The following SLC25A48 variants were observed in gnomAD, a reference collection of about 807,000 sequenced individuals.
The protein encoded by SLC25A48 is CTC-321K16.1.
In SLC25A48, 29 loss-of-function variants were observed where a neutral mutation model predicts 32.2. That is an observed-to-expected ratio of 0.90 (90% CI 0.67 to 1.23). The LOEUF is 1.23. SLC25A48 is among the 50% of genes most tolerant of loss of function. The pLI, the probability that SLC25A48 is intolerant of heterozygous loss-of-function variation, is 0.00. For missense variants in SLC25A48, 399 were observed against 422.7 expected, an observed-to-expected ratio of 0.94 and a Z score of 0.49; for synonymous variants, 164 against 172.3, an observed-to-expected ratio of 0.95 and a Z score of 0.38.
chr5:135,789,740 G>A (rs1435020454), intron 3 of SLC25A48, among the ~76,000 whole-genome samples: 1 of 151,660 alleles, frequency 6.6e-6, no homozygotes, highest in African/African-American at 2.4e-5. Context: ...TATTAAGGGG[G>A]GATAGCCTGG....
At chr5:135,639,557 T>A (rs994140939) in intron 3 of SLC25A48, among the ~76,000 whole-genome samples, 1 of 152,004 alleles carries the variant, frequency 6.6e-6, no homozygotes, top group Non-Finnish European at 1.5e-5. Context: ...GTTTGGGAGC[T>A]TAATATAAAT....
upstream of SLC25A48, among the ~76,000 whole-genome samples, chr5:135,832,066 T>C (rs1016911972): frequency 2.6e-5 from 4 of 152,138 alleles, no homozygotes; most frequent in African/African-American, 9.7e-5. Flanking sequence ...GAGGTGTGTT[T>C]CTCTAAGTTG....
intron 3 of SLC25A48, among the ~76,000 whole-genome samples, chr5:135,635,575 G>A (rs553205401): frequency 6.6e-6 from 1 of 152,278 alleles, no homozygotes; most frequent in African/African-American, 2.4e-5. Context: ...CTTAATACTG[G>A]TCATTTTGCC....
intron 7 of SLC25A48, among the ~76,000 whole-genome samples, chr5:135,880,347 G>C (rs891963348): frequency 6.6e-6 from 1 of 151,974 alleles, no homozygotes; most frequent in Non-Finnish European, 1.5e-5. Flanking sequence ...CAGACAGCTC[G>C]CCTCTCCGTT....
At chr5:135,730,387 C>T (rs1370377565) in intron 3 of SLC25A48, among the ~76,000 whole-genome samples, 1 of 152,190 alleles carries the variant, frequency 6.6e-6, no homozygotes, top group African/African-American at 2.4e-5. Flanking sequence ...TTCCCCTGCA[C>T]AAGCTCTCTC....
chr5:135,717,531 T>C (rs1463857093), intron 3 of SLC25A48, among the ~76,000 whole-genome samples: 7 of 152,222 alleles, frequency 4.6e-5, no homozygotes, highest in Non-Finnish European at 4.4e-5. Flanking sequence ...TTAGTTAAAA[T>C]TGGTTACATT....
intron 1 of SLC25A48, among the ~76,000 whole-genome samples, chr5:135,583,639 G>A (rs1314801319): frequency 6.6e-6 from 1 of 151,664 alleles, no homozygotes; most frequent in Non-Finnish European, 1.5e-5. Flanking sequence ...ATTAATGTTA[G>A]CCAGCCTCCT....
intron 1 of SLC25A48, among the ~76,000 whole-genome samples, chr5:135,618,378 A>G (rs369227465): frequency 2.2e-4 from 33 of 152,120 alleles, no homozygotes; most frequent in African/African-American, 7.5e-4. Context: ...GCCAATCTCT[A>G]TCTTTTAAGT....
At chr5:135,602,984 T>G (rs1690280357) in intron 1 of SLC25A48, among the ~76,000 whole-genome samples, 1 of 152,186 alleles carries the variant, frequency 6.6e-6, no homozygotes, top group Admixed American at 6.5e-5. Context: ...CAGCAGGTCA[T>G]TGCTGTAGAG....
intron 3 of SLC25A48, among the ~76,000 whole-genome samples, chr5:135,726,749 G>GCTACTATGAA (rs1349201240): frequency 1.3e-5 from 2 of 152,110 alleles, no homozygotes; most frequent in Admixed American, 1.3e-4. Context: ...CCAGTTTTTG[G>GCTACTATGAA]CTACTATGAA....
chr5:135,692,434 G>C (rs1454528267), intron 3 of SLC25A48, among the ~76,000 whole-genome samples: 2 of 151,934 alleles, frequency 1.3e-5, no homozygotes, highest in Non-Finnish European at 2.9e-5. Flanking sequence ...CAAATGTGCT[G>C]CCCTGAGAAT....
At chr5:135,845,004 G>A (rs1306393964) in intron 2 of SLC25A48, among the ~76,000 whole-genome samples, 1 of 152,086 alleles carries the variant, frequency 6.6e-6, no homozygotes, top group Non-Finnish European at 1.5e-5. Flanking sequence ...AAAATTTGAG[G>A]GTATGAATTA....
chr5:135,632,169 T>C (rs139169403), intron 2 of SLC25A48, among the ~76,000 whole-genome samples: 220 of 152,336 alleles, frequency 1.4e-3, no homozygotes, highest in Middle Eastern at 6.8e-3. Flanking sequence ...GACTGGGTCA[T>C]AGAAGATTCT....
chr5:135,783,129 G>T lies in SLC25A48; in HGVS notation c.-520-29394G>T, dbSNP rs1302434618. Among the ~76,000 whole-genome samples, 2 of 119,440 alleles carry T rather than the reference G, an allele frequency of 1.7e-5. 1 individual carries two copies. Among genetic ancestry groups the T allele is most frequent in the Non-Finnish European group, 4.2e-5 (2 of 48,064 alleles). 78.4% of individuals were successfully genotyped at this position (119,440 alleles called of 152,430 possible). On this transcript the variant is annotated intron_variant, in intron 3 of 10. Transcript: ENST00000646290. Reference sequence around the variant, plus strand: ...CCATATAATATTGTTTCTCAATCCAGGGGGTCAGAAGATGATATTACCCCC... The same window carrying T: ...CCATATAATATTGTTTCTCAATCCATGGGGTCAGAAGATGATATTACCCCC...
chr5:135,753,196 T>C (rs1233909432), intron 3 of SLC25A48, among the ~76,000 whole-genome samples: 1 of 152,028 alleles, frequency 6.6e-6, no homozygotes, highest in Non-Finnish European at 1.5e-5. Context: ...GGATATTTTA[T>C]GCATAATATG....
chr5:135,844,512 G>A (rs540608610), intron 2 of SLC25A48, among the ~76,000 whole-genome samples: 1 of 152,192 alleles, frequency 6.6e-6, no homozygotes, highest in African/African-American at 2.4e-5. Context: ...TTGGAACCAC[G>A]CAGGCTCTAG....
chr5:135,700,200 C>T (rs1436640356), intron 3 of SLC25A48, among the ~76,000 whole-genome samples: 1 of 151,460 alleles, frequency 6.6e-6, no homozygotes, highest in African/African-American at 2.4e-5. Flanking sequence ...AGCAAAACCC[C>T]ATCTCTACTA....
intron 3 of SLC25A48, among the ~76,000 whole-genome samples, chr5:135,635,423 C>T (rs1211468275): frequency 6.6e-6 from 1 of 152,186 alleles, no homozygotes; most frequent in Non-Finnish European, 1.5e-5. Context: ...GTAATGATAA[C>T]ACCAACAACA....
chr5:135,789,746 C>T (rs904147844), intron 3 of SLC25A48, among the ~76,000 whole-genome samples: 9 of 151,442 alleles, frequency 5.9e-5, no homozygotes, highest in Non-Finnish European at 8.8e-5. Context: ...GGGGGGATAG[C>T]CTGGTATTAC....
Sources: gnomAD v4.1 joint callset for allele counts (sites outside exome capture counted in the v4.1 genomes callset) on GRCh38, gnomAD v4.1.1 for gene constraint, MANE v1.5 for transcripts, NCBI Gene and HGNC (gene_info 2026-07-23, HGNC 2026-07-21) for gene names.